MYOF: variants seen among roughly 807,000 people sequenced by gnomAD.
The protein encoded by MYOF is fer-1-like 3, myoferlin.
A neutral mutation model predicts 284.2 loss-of-function variants in MYOF; 244 were observed. The observed-to-expected ratio is 0.86, with a 90% CI of 0.77 to 0.95. The LOEUF is 0.95. Among genes scored for constraint, MYOF ranks in the 40% least tolerant of loss-of-function variants. The pLI is 0.00. For synonymous variants in MYOF, 904 were observed against 919.7 expected (o/e 0.98, Z 0.31); for missense variants, 2,496 against 2,560.6 (o/e 0.97, Z 0.54).
intron 45 of MYOF, among the ~76,000 whole-genome samples, chr10:93,327,534 T>G (rs1174231045): frequency 6.6e-6 from 1 of 152,110 alleles, no homozygotes; most frequent in Non-Finnish European, 1.5e-5. Flanking sequence ...GTTACTAAGT[T>G]TGGGGTGATC....
At chr10:93,337,084 T>G (rs1843650998) in intron 40 of MYOF, among the ~76,000 whole-genome samples, 2 of 151,890 alleles carry the variant, frequency 1.3e-5, no homozygotes, top group African/African-American at 4.8e-5. Flanking sequence ...TATGCTAGTA[T>G]TTCTTAAGCT....
chr10:93,372,315 G>T (rs1043790740), intron 24 of MYOF, among the ~76,000 whole-genome samples: 2 of 152,114 alleles, frequency 1.3e-5, no homozygotes, highest in Admixed American at 6.5e-5. Context: ...TTAATACGGG[G>T]CCCTGGAACA....
intron 6 of MYOF, 100 bp downstream of exon 6, chr10:93,409,473 A>T (rs1414821031): frequency 7.4e-7 from 1 of 1,348,532 alleles, no homozygotes; most frequent in Non-Finnish European, 1.0e-6. Context: ...CGGTTGAGCC[A>T]TTGTCCATTG....
At chr10:93,370,684 G>A (rs1845546901) in intron 24 of MYOF, among the ~76,000 whole-genome samples, 1 of 152,110 alleles carries the variant, frequency 6.6e-6, no homozygotes, top group South Asian at 2.1e-4. Flanking sequence ...TGATGAGATG[G>A]GAAGTACATG....
At position 93,343,838 on chromosome 10, in the gene MYOF, A is replaced by G; in HGVS notation, c.4326+18T>C. ...AAGATAAAACTGACAGCATCCACTG[A>G]TCAGCTCTGAAGCCTACCTTAGAAG... On this transcript the variant is annotated intron_variant, in intron 38 of 53. Coordinates refer to ENST00000359263, the MANE Select transcript of MYOF (RefSeq NM_013451.4). The G allele has an allele frequency of 6.2e-7, 1 of 1,613,540 alleles. No homozygotes were observed. The highest frequency in any genetic ancestry group is 1.1e-5 in the South Asian group (1 of 91,064).
rs768760384 is a variant in MYOF, at chr10:93,426,129, A to G, written c.375T>C (p.Asp125=). 8.8e-5 allele frequency: 138 copies of G among 1,559,994 alleles called. No individual in the cohort carries two copies. The highest frequency in any genetic ancestry group is 1.2e-4 in the Non-Finnish European group (136 of 1,151,096). Residue 125 remains aspartate, a synonymous_variant, in exon 5 of 54, where the codon GAT becomes GAC. Transcript: ENST00000359263. ...GATIDLVIGY[D]PPSAPHPNDL... is the part of the protein sequence containing the mutation. ...CATTTGGATGTGGAGCAGAAGGCGGATCATAGCCGATCACCAAGTCAATGG... is the reference window on the plus strand; with the variant it reads ...CATTTGGATGTGGAGCAGAAGGCGGGTCATAGCCGATCACCAAGTCAATGG...
At chr10:93,406,576 A>G (rs1847603233) in intron 7 of MYOF, among the ~76,000 whole-genome samples, 1 of 147,596 alleles carries the variant, frequency 6.8e-6, no homozygotes, top group Admixed American at 6.7e-5. Context: ...CCACCCATCC[A>G]GTCTTGCCCT....
chr10:93,449,108 G>C (rs1208184976), intron 3 of MYOF, among the ~76,000 whole-genome samples: 1 of 152,218 alleles, frequency 6.6e-6, no homozygotes, highest in Non-Finnish European at 1.5e-5. Flanking sequence ...CAGAGCACTT[G>C]AAATGTGGTA....
rs763946104 is a variant in MYOF at position 93,335,984 on chromosome 10, C to G, written c.4500G>C (p.Thr1500=). The G allele has an allele frequency of 6.2e-7, 1 of 1,614,086 alleles. No homozygotes were observed. The highest frequency in any genetic ancestry group is 1.7e-5 in the Admixed American group (1 of 59,998). The change falls in exon 41 of 54, where the codon ACG becomes ACC. Residue 1500 remains threonine, a synonymous_variant. Coordinates refer to ENST00000359263, the MANE Select transcript of MYOF (RefSeq NM_013451.4). ...CCGACTTGCCTCGGTACAACTTGAA[C>G]GTATCTGAGAAGTCTGTCAGGCCCT... ...EFEGLTDFSD[T]FKLYRGKSDE... is the part of the protein sequence containing the mutation.
rs79895851 is a variant in MYOF, at chr10:93,327,220, C to G, written c.5132-1255G>C. On this transcript the variant is annotated intron_variant, in intron 45 of 53. Transcript: ENST00000359263. ...TCTGGTCATCAGCCCCAGCCGAGAG[C>G]CAACACAACTGCCAGCTGTGTGTGT... Among the ~76,000 whole-genome samples the G allele has an allele frequency of 5.4e-4, 82 of 152,154 alleles. 1 individual carries two copies. In the East Asian group the frequency reaches 0.014, roughly 26 times the overall value.
intron 3 of MYOF, among the ~76,000 whole-genome samples, chr10:93,436,146 T>G (rs1420363090): frequency 6.6e-6 from 1 of 152,122 alleles, no homozygotes. Context: ...ACTCGTGCTA[T>G]GTAATACAAT....
At chr10:93,454,600 C>G (rs1278349430) in intron 2 of MYOF, among the ~76,000 whole-genome samples, 1 of 152,194 alleles carries the variant, frequency 6.6e-6, no homozygotes, top group Admixed American at 6.5e-5. Flanking sequence ...TGTAGTCCAG[C>G]TGGCTGTGTT....
intron 40 of MYOF, among the ~76,000 whole-genome samples, chr10:93,336,702 CTT>C (rs1283288526): frequency 1.3e-5 from 2 of 151,474 alleles, no homozygotes; most frequent in East Asian, 3.9e-4. Flanking sequence ...GAATGGATCA[CTT>C]TATCGTATGT....
chr10:93,479,399 G>T (rs146652987), intron 1 of MYOF, among the ~76,000 whole-genome samples: 44 of 152,214 alleles, frequency 2.9e-4, no homozygotes, highest in African/African-American at 9.6e-4. Flanking sequence ...AGTATCCTCA[G>T]TTCAGTCAGA....
chr10:93,338,696 C>T (rs112018256), intron 39 of MYOF, among the ~76,000 whole-genome samples: 31 of 152,150 alleles, frequency 2.0e-4, no homozygotes, highest in African/African-American at 7.0e-4. Flanking sequence ...GAGACCAGGG[C>T]ATCCAATAAG....
At chr10:93,442,885 A>AC (rs2134266064) in intron 3 of MYOF, among the ~76,000 whole-genome samples, 1 of 152,318 alleles carries the variant, frequency 6.6e-6, no homozygotes, top group East Asian at 1.9e-4. Flanking sequence ...TCAGCGGGGC[A>AC]CGGTGGCTTA....
intron 5 of MYOF, among the ~76,000 whole-genome samples, chr10:93,420,902 G>GT (rs1417877780): frequency 6.6e-6 from 1 of 152,152 alleles, no homozygotes; most frequent in East Asian, 1.9e-4. Flanking sequence ...GAATGGTAAA[G>GT]TTTTAGGGTT....
rs1845452994 is a variant in MYOF, at chr10:93,369,012, TG to T, written c.2589+632del. ...AAACATTTGTGAACATTATTTTCAT[TG>T]GTTTAATTGTAATGAGACTTTTCAT... On this transcript the variant is annotated intron_variant, in intron 25 of 53. Transcript: ENST00000359263. Among the ~76,000 whole-genome samples the T allele has an allele frequency of 2.0e-5, 3 of 152,224 alleles. No individual in the cohort carries two copies. In the South Asian group the frequency reaches 6.2e-4, roughly 32 times the overall value.
intron 17 of MYOF, 66 bp downstream of exon 17, chr10:93,392,851 T>C (rs1846766080): frequency 7.0e-7 from 1 of 1,425,728 alleles, no homozygotes; most frequent in Non-Finnish European, 9.8e-7. Flanking sequence ...AGACAGTCGA[T>C]ACATTCTTAA....
Sources: gnomAD v4.1 joint callset for allele counts (sites outside exome capture counted in the v4.1 genomes callset) on GRCh38, gnomAD v4.1.1 for gene constraint, MANE v1.5 for transcripts, NCBI Gene and HGNC (gene_info 2026-07-23, HGNC 2026-07-21) for gene names.